The following FGF12 variants were observed in gnomAD, a reference collection of about 807,000 sequenced individuals.
The protein encoded by FGF12 is fibroblast growth factor 12, also known as fibroblast growth factor 12B.
In FGF12, 14 loss-of-function variants were observed where a neutral mutation model predicts 23.6. The observed-to-expected ratio is 0.59, with a 90% CI of 0.39 to 0.93. The LOEUF (loss-of-function observed/expected upper bound fraction) is 0.93. Among genes scored for constraint, FGF12 ranks in the 40% least tolerant of loss-of-function variants. The pLI is 0.00. For missense variants in FGF12, 175 were observed against 217.8 expected (o/e 0.80, Z 1.24); for synonymous variants, 62 against 77.3 (o/e 0.80, Z 1.04).
chr3:192,566,573 G>T (rs1398469980), intron 2 of FGF12, among the ~76,000 whole-genome samples: 1 of 152,190 alleles, frequency 6.6e-6, no homozygotes, highest in African/African-American at 2.4e-5. Flanking sequence ...GATGCCCCTG[G>T]ATAGGGCACA....
intron 2 of FGF12, among the ~76,000 whole-genome samples, chr3:192,666,940 T>A (rs1254847727): frequency 6.6e-6 from 1 of 151,916 alleles, no homozygotes; most frequent in African/African-American, 2.4e-5. Flanking sequence ...GATAGATAGA[T>A]AGATAGATAG....
intron 2 of FGF12, among the ~76,000 whole-genome samples, chr3:192,492,190 T>C (rs1198549178): frequency 1.3e-5 from 2 of 152,238 alleles, no homozygotes; most frequent in African/African-American, 2.4e-5. Flanking sequence ...ACCTGATCAA[T>C]ACTTAAGAAG....
At chr3:192,714,059 T>G (rs1286183532) in intron 2 of FGF12, among the ~76,000 whole-genome samples, 1 of 152,158 alleles carries the variant, frequency 6.6e-6, no homozygotes, top group Non-Finnish European at 1.5e-5. Context: ...TAATAATATC[T>G]ACATTTTATT....
At chr3:192,270,477 A>G (rs1484794037) in intron 4 of FGF12, among the ~76,000 whole-genome samples, 2 of 152,150 alleles carry the variant, frequency 1.3e-5, no homozygotes, top group Non-Finnish European at 2.9e-5. Flanking sequence ...AAATAATTCA[A>G]TCTAAGTTAC....
intron 4 of FGF12, among the ~76,000 whole-genome samples, chr3:192,304,541 G>C (rs554523059): frequency 7.9e-5 from 12 of 152,230 alleles, no homozygotes; most frequent in African/African-American, 2.9e-4. Context: ...TTTTTTTAAA[G>C]GACCTACAGT....
Position 192,227,459 on chromosome 3 carries a change from T to A in FGF12, c.229-56803A>T, listed in dbSNP as rs548085694. Among the ~76,000 whole-genome samples, 6 of 151,952 alleles carry A rather than the reference T, an allele frequency of 3.9e-5. No individual in the cohort carries two copies. The South Asian group carries it at 1.2e-3, about 32-fold the overall frequency. ...GTCAATATCCGAAATGTACCCTAAATGCTTCCTCATATTTCCCTTTATCTG... is the reference window on the plus strand; with the variant it reads ...GTCAATATCCGAAATGTACCCTAAAAGCTTCCTCATATTTCCCTTTATCTG... On this transcript the variant is annotated intron_variant, in intron 4 of 5. Coordinates refer to ENST00000445105, the MANE Select transcript of FGF12 (RefSeq NM_004113.6).
At chr3:192,633,076 C>T (rs1158095450) in intron 2 of FGF12, among the ~76,000 whole-genome samples, 2 of 152,118 alleles carry the variant, frequency 1.3e-5, no homozygotes, top group African/African-American at 4.8e-5. Flanking sequence ...GGCAGAGTCT[C>T]GCCCTGTTGC....
chr3:192,530,385 G>A (rs559044155), intron 2 of FGF12, among the ~76,000 whole-genome samples: 12 of 152,144 alleles, frequency 7.9e-5, no homozygotes, highest in Non-Finnish European at 1.5e-4. Context: ...CTGCCAGATC[G>A]TAGGTCCTTA....
chr3:192,436,636 G>A lies in FGF12; in HGVS notation c.14-76098C>T, dbSNP rs939626872. ...GTGTATCCAGGCTGGACAGCCACTGGGTTAGATTGCACAATGTCAGTTTCC... is the reference window on the plus strand; with the variant it reads ...GTGTATCCAGGCTGGACAGCCACTGAGTTAGATTGCACAATGTCAGTTTCC... On this transcript the variant is annotated intron_variant, in intron 2 of 5. Transcript: ENST00000445105. Among the ~76,000 whole-genome samples the A allele has an allele frequency of 8.5e-5, 13 of 152,298 alleles. 1 individual carries two copies. The highest frequency in any genetic ancestry group is 2.6e-4 in the Admixed American group (4 of 15,298).
intron 5 of FGF12, among the ~76,000 whole-genome samples, chr3:192,157,054 C>T (rs1408424844): frequency 2.6e-5 from 4 of 152,140 alleles, no homozygotes; most frequent in Non-Finnish European, 5.9e-5. Flanking sequence ...CGAGAGTGTT[C>T]CTCCTTATTT....
In FGF12 at chr3:192,558,241, T is replaced by C. The variant is rs534418689; in HGVS notation, c.13+168940A>G. Among the ~76,000 whole-genome samples the C allele has an allele frequency of 7.9e-5, 12 of 151,982 alleles. No homozygotes were observed. The East Asian group carries it at 2.3e-3, about 29-fold the overall frequency. On this transcript the variant is annotated intron_variant, in intron 2 of 5. Transcript: ENST00000445105. ...TAATAAATTCAGCAAAGCTGCAAGA[T>C]ACAAAATCAACAAACAAAAATAATT...
chr3:192,499,014 C>A (rs1724041626), intron 2 of FGF12, among the ~76,000 whole-genome samples: 1 of 152,298 alleles, frequency 6.6e-6, no homozygotes, highest in African/African-American at 2.4e-5. Flanking sequence ...GTATAATTTG[C>A]TTCTGCCTTT....
chr3:192,223,508 T>C (rs891915628), intron 4 of FGF12, among the ~76,000 whole-genome samples: 4 of 152,138 alleles, frequency 2.6e-5, no homozygotes, highest in East Asian at 1.9e-4. Flanking sequence ...TCAGATAATA[T>C]GGAAATAATG....
chr3:192,446,011 A>G (rs1670547557), intron 2 of FGF12, among the ~76,000 whole-genome samples: 1 of 152,218 alleles, frequency 6.6e-6, no homozygotes, highest in Admixed American at 6.5e-5. Flanking sequence ...CAATTGTGTC[A>G]TTAAACAAAT....
chr3:192,578,437 C>A (rs1713000802), intron 2 of FGF12, among the ~76,000 whole-genome samples: 1 of 152,168 alleles, frequency 6.6e-6, no homozygotes, highest in Non-Finnish European at 1.5e-5. Flanking sequence ...ATTCTTAACC[C>A]TTTACTGTCT....
chr3:192,264,903 C>G (rs868342672), intron 4 of FGF12, among the ~76,000 whole-genome samples: 1 of 152,114 alleles, frequency 6.6e-6, no homozygotes, highest in African/African-American at 2.4e-5. Context: ...TCTAAATGTT[C>G]TGGTCTACAT....
At chr3:192,600,743 T>C (rs903593481) in intron 2 of FGF12, among the ~76,000 whole-genome samples, 1 of 151,968 alleles carries the variant, frequency 6.6e-6, no homozygotes, top group Non-Finnish European at 1.5e-5. Flanking sequence ...AAAACCACAA[T>C]GAAGTATCAC....
intron 4 of FGF12, among the ~76,000 whole-genome samples, chr3:192,174,783 AC>A (rs1417514390): frequency 1.3e-5 from 2 of 151,852 alleles, no homozygotes; most frequent in Non-Finnish European, 2.9e-5. Context: ...CTGGCTCCAC[AC>A]ATATTAGCTG....
chr3:192,507,083 G>A (rs370495198), intron 2 of FGF12, among the ~76,000 whole-genome samples: 23 of 151,930 alleles, frequency 1.5e-4, no homozygotes, highest in African/African-American at 4.6e-4. Context: ...TAGTAGAGAC[G>A]GGGTTTCACC....
Sources: allele counts gnomAD v4.1 joint callset (sites outside exome capture counted in the v4.1 genomes callset), GRCh38; gene constraint gnomAD v4.1.1; transcripts MANE v1.5; gene names NCBI Gene and HGNC (gene_info 2026-07-23, HGNC 2026-07-21).